ZZZ3: variants seen among roughly 807,000 people sequenced by gnomAD.
The protein encoded by ZZZ3 is ZZ-type zinc finger-containing protein 3.
ZZZ3 carries 22 observed loss-of-function variants against 95.2 expected under a neutral mutation model. The observed-to-expected ratio is 0.23, with a 90% CI of 0.17 to 0.33. The LOEUF is 0.33. Ranked by LOEUF, ZZZ3 falls within the 10% of genes least tolerant of loss-of-function variation. ZZZ3 has a pLI of 1.00. For missense variants in ZZZ3, 885 were observed against 1,066.5 expected (o/e 0.83, Z 2.37); for synonymous variants, 335 against 358.9 (o/e 0.93, Z 0.75).
chr1:77,645,958 G>A lies in ZZZ3; in HGVS notation c.-402-4303C>T, dbSNP rs374393719. Among the ~76,000 whole-genome samples the A allele has an allele frequency of 1.3e-4, 19 of 143,424 alleles. No homozygotes were observed. The South Asian group carries it at 1.7e-3, about 13-fold the overall frequency. 94.1% of individuals were successfully genotyped at this position (143,424 alleles called of 152,430 possible). Reference sequence around the variant, plus strand: ...TGCACTTCAGCCTGGGCAACAGAGCGAGACTCCATCTCAAAAAAAAAAAAA... The same window carrying A: ...TGCACTTCAGCCTGGGCAACAGAGCAAGACTCCATCTCAAAAAAAAAAAAA... On this transcript the variant is annotated intron_variant, in intron 1 of 14. Coordinates refer to ENST00000370801, the MANE Select transcript of ZZZ3 (RefSeq NM_015534.6).
intron 9 of ZZZ3, chr1:77,579,889 G>A (rs1468757396): frequency 1.9e-5 from 4 of 209,804 alleles, no homozygotes; most frequent in Non-Finnish European, 3.7e-5. Context: ...TATCTCATAA[G>A]AAAACAGAAA....
intron 13 of ZZZ3, among the ~76,000 whole-genome samples, chr1:77,566,610 C>T (rs1570379349): frequency 6.6e-6 from 1 of 152,262 alleles, no homozygotes; most frequent in East Asian, 1.9e-4. Flanking sequence ...GCCACAGCTG[C>T]CTCCTGTAGT....
At chr1:77,620,654 C>G in intron 5 of ZZZ3, among the ~76,000 whole-genome samples, 1 of 152,184 alleles carries the variant, frequency 6.6e-6, no homozygotes, top group Admixed American at 6.5e-5. Context: ...AAGGAAAAAA[C>G]GTGAATATTC....
rs1660770481 is a variant in ZZZ3 at position 77,565,848 on chromosome 1, A to G, written c.2568-64T>C. 2.7e-6 allele frequency: 4 copies of G among 1,471,254 alleles called. No homozygotes were observed. The East Asian group carries it at 9.3e-5, about 34-fold the overall frequency. 91.1% of individuals were successfully genotyped at this position (1,471,254 alleles called of 1,614,324 possible). On this transcript the variant is annotated intron_variant, in intron 14 of 14. Transcript: ENST00000370801. ...GGATGCATTTTAGTCTGTGTATTAC[A>G]AAGCTTCCTCACAGCTCTCCCTGTT...
At chr1:77,597,832 G>A (rs1266631946) in intron 5 of ZZZ3, among the ~76,000 whole-genome samples, 2 of 151,982 alleles carry the variant, frequency 1.3e-5, no homozygotes, top group East Asian at 3.9e-4. Flanking sequence ...ACACAAAAAG[G>A]ACATTAGGTA....
intron 4 of ZZZ3, among the ~76,000 whole-genome samples, chr1:77,634,126 T>C (rs546626860): frequency 1.3e-3 from 200 of 152,064 alleles, no homozygotes; most frequent in Non-Finnish European, 2.5e-3. Context: ...GCCGAGATCA[T>C]GCCACTGCAC....
At chr1:77,630,779 T>A (rs915586736) in intron 5 of ZZZ3, among the ~76,000 whole-genome samples, 1 of 152,138 alleles carries the variant, frequency 6.6e-6, no homozygotes, top group Non-Finnish European at 1.5e-5. Flanking sequence ...AAATCTACAC[T>A]ATCTACAATG....
intron 1 of ZZZ3, among the ~76,000 whole-genome samples, chr1:77,655,835 G>A (rs748788087): frequency 7.2e-5 from 11 of 152,152 alleles, no homozygotes; most frequent in Non-Finnish European, 1.6e-4. Context: ...AAGAAGAAAT[G>A]AGATGAGAAG....
chr1:77,643,436 C>G (rs919827733), intron 1 of ZZZ3, among the ~76,000 whole-genome samples: 5 of 152,154 alleles, frequency 3.3e-5, no homozygotes, highest in African/African-American at 1.2e-4. Context: ...TTACTTACTT[C>G]TAGAAGTTTA....
intron 13 of ZZZ3, among the ~76,000 whole-genome samples, chr1:77,567,737 T>C (rs1207095530): frequency 6.6e-6 from 1 of 152,170 alleles, no homozygotes; most frequent in Non-Finnish European, 1.5e-5. Flanking sequence ...TGGAACATAA[T>C]GTGTATTACA....
chr1:77,604,273 A>G (rs1570478615), intron 5 of ZZZ3, among the ~76,000 whole-genome samples: 1 of 152,262 alleles, frequency 6.6e-6, no homozygotes, highest in South Asian at 2.1e-4. Flanking sequence ...ATATATTTTT[A>G]TAACATCCCA....
chr1:77,584,404 G>T (rs12089944), intron 6 of ZZZ3, 113 bp downstream of exon 6: 3 of 1,100,322 alleles, frequency 2.7e-6, no homozygotes, highest in Non-Finnish European at 3.7e-6. Context: ...AATTATAGAC[G>T]AAAAAAATTA....
chr1:77,681,899 CAAAAAAAA>C (rs61661880), intron 1 of ZZZ3, among the ~76,000 whole-genome samples: 10 of 94,726 alleles, frequency 1.1e-4, no homozygotes, highest in African/African-American at 3.7e-4. Context: ...GACTCCGTCT[CAAAAAAAA>C]AAAAAAAAAA....
rs568286859 is a variant in ZZZ3, at chr1:77,565,283, T to G, written c.*357A>C. On this transcript the variant is annotated 3_prime_UTR_variant, in exon 15 of 15. Coordinates refer to ENST00000370801, the MANE Select transcript of ZZZ3 (RefSeq NM_015534.6). ...TGAAGGCTACTAAACTGTTTTAATA[T>G]AAATACTTTGTCTTCTCATTATCAT... 7 of 171,968 alleles carry G rather than the reference T, an allele frequency of 4.1e-5. No individual in the cohort carries two copies. In the South Asian group the frequency reaches 1.3e-3, roughly 31 times the overall value. 10.7% of individuals were successfully genotyped at this position (171,968 alleles called of 1,614,324 possible).
chr1:77,667,665 C>T (rs1261880721), intron 1 of ZZZ3, among the ~76,000 whole-genome samples: 2 of 151,926 alleles, frequency 1.3e-5, no homozygotes, highest in African/African-American at 4.8e-5. Flanking sequence ...AGAATGTTTC[C>T]TAGCCCTAAA....
At chr1:77,643,524 A>G (rs1446021993) in intron 1 of ZZZ3, among the ~76,000 whole-genome samples, 1 of 152,224 alleles carries the variant, frequency 6.6e-6, no homozygotes, top group Non-Finnish European at 1.5e-5. Context: ...AAGCCATCTT[A>G]TTTATTCCCT....
chr1:77,568,601 A>G, intron 12 of ZZZ3, 135 bp from the exon 13 acceptor site: 1 of 428,178 alleles, frequency 2.3e-6, no homozygotes, highest in Non-Finnish European at 3.9e-6. Context: ...ATAGAAAATT[A>G]GTGCTGTTAT....
chr1:77,654,486 CA>C (rs1670094079), intron 1 of ZZZ3, among the ~76,000 whole-genome samples: 1 of 152,056 alleles, frequency 6.6e-6, no homozygotes, highest in African/African-American at 2.4e-5. Context: ...AACTTTTTAA[CA>C]AACCAAATAT....
intron 1 of ZZZ3, among the ~76,000 whole-genome samples, chr1:77,669,918 C>A (rs952680710): frequency 6.6e-6 from 1 of 151,884 alleles, no homozygotes; most frequent in African/African-American, 2.4e-5. Flanking sequence ...TAAAAGAGAT[C>A]ATTTTGGTGT....
Sources: allele counts gnomAD v4.1 joint callset (sites outside exome capture counted in the v4.1 genomes callset), GRCh38; gene constraint gnomAD v4.1.1; transcripts MANE v1.5; gene names NCBI Gene and HGNC (gene_info 2026-07-23, HGNC 2026-07-21).